Variants in SGK1 observed in about 807,000 individuals in gnomAD.
SGK1 encodes the protein serum/glucocorticoid regulated kinase 1.
In SGK1, 26 loss-of-function variants were observed where a neutral mutation model predicts 64.2. The ratio of observed to expected loss-of-function variants is 0.40; its 90% confidence interval spans 0.30 to 0.56. The LOEUF (loss-of-function observed/expected upper bound fraction) is 0.56, where lower values mean the gene tolerates loss of function less well. Among genes scored for constraint, SGK1 ranks in the 20% least tolerant of loss-of-function variants. The pLI is 0.38. For missense variants in SGK1, 519 were observed against 645.6 expected, an observed-to-expected ratio of 0.80 and a Z score of 2.12; for synonymous variants, 265 against 239.7, an observed-to-expected ratio of 1.11 and a Z score of -0.98.
chr6:134,242,560 T>C (rs1445493564), intron 2 of SGK1, among the ~76,000 whole-genome samples: 7 of 152,020 alleles, frequency 4.6e-5, no homozygotes, highest in Admixed American at 3.9e-4. Flanking sequence ...GTTTTGAACA[T>C]GGGAAATTTA....
intron 2 of SGK1, among the ~76,000 whole-genome samples, chr6:134,249,181 T>C (rs1290873554): frequency 1.3e-5 from 2 of 152,334 alleles, no homozygotes; most frequent in Admixed American, 1.3e-4. Flanking sequence ...ATAAACCTCC[T>C]GCAGAAAAAA....
chr6:134,171,373 TGG>T, intron 11 of SGK1, 195 bp from the exon 12 acceptor site: 1 of 627,958 alleles, frequency 1.6e-6, no homozygotes, highest in Non-Finnish European at 2.8e-6. Context: ...TGTGTGTGTG[TGG>T]AGGGTGAGGG....
At chr6:134,257,379 G>A (rs1776701304) in intron 2 of SGK1, among the ~76,000 whole-genome samples, 1 of 151,946 alleles carries the variant, frequency 6.6e-6, no homozygotes, top group Admixed American at 6.6e-5. Context: ...CCCCAGCCTG[G>A]GCAACAACAG....
intron 2 of SGK1, among the ~76,000 whole-genome samples, chr6:134,214,460 G>T (rs531194292): frequency 6.6e-6 from 1 of 151,986 alleles, no homozygotes; most frequent in East Asian, 1.9e-4. Context: ...GTGTGGTGGC[G>T]CATGCCTATA....
intron 2 of SGK1, among the ~76,000 whole-genome samples, chr6:134,217,643 A>G (rs1776008187): frequency 6.6e-6 from 1 of 152,212 alleles, no homozygotes; most frequent in African/African-American, 2.4e-5. Context: ...GCTCATAAAG[A>G]TGATGGTTTG....
chr6:134,283,497 A>C (rs900032989), intron 1 of SGK1, among the ~76,000 whole-genome samples: 12 of 151,898 alleles, frequency 7.9e-5, no homozygotes, highest in Admixed American at 2.0e-4. Flanking sequence ...CCTTAAAAAA[A>C]AAACAAACAT....
At chr6:134,218,444 T>C (rs1312075677) in intron 2 of SGK1, among the ~76,000 whole-genome samples, 3 of 149,090 alleles carry the variant, frequency 2.0e-5, no homozygotes, top group African/African-American at 7.4e-5. Context: ...TTTCTTTTTT[T>C]TTTTTTTTTG....
intron 1 of SGK1, among the ~76,000 whole-genome samples, chr6:134,311,352 A>G (rs1277097319): frequency 5.9e-5 from 9 of 152,154 alleles, no homozygotes; most frequent in Non-Finnish European, 1.0e-4. Context: ...CTGTCCTTAA[A>G]GACCTTCCAG....
chr6:134,220,104 A>G (rs1251150825), intron 2 of SGK1, among the ~76,000 whole-genome samples: 2 of 149,958 alleles, frequency 1.3e-5, no homozygotes, highest in African/African-American at 4.9e-5. Context: ...AAAAGAAAAG[A>G]AAAACACATA....
At chr6:134,297,432 A>G in intron 1 of SGK1, 1 of 696,944 alleles carries the variant, frequency 1.4e-6, no homozygotes, top group Non-Finnish European at 2.6e-6. Context: ...GGCAGTCTCC[A>G]GGGAAGCCCT....
intron 2 of SGK1, among the ~76,000 whole-genome samples, chr6:134,213,835 G>A (rs1465713732): frequency 4.6e-5 from 7 of 151,854 alleles, no homozygotes; most frequent in African/African-American, 1.7e-4. Flanking sequence ...GAGTATGATT[G>A]AGGAGGGGCA....
chr6:134,177,549 A>T, intron 3 of SGK1: 1 of 798,690 alleles, frequency 1.3e-6, no homozygotes, highest in Non-Finnish European at 2.1e-6. Flanking sequence ...ACATTAAATT[A>T]AGAAACCTAC....
rs1011264579 is a variant in SGK1, at chr6:134,243,110, T to G, written c.285+18823A>C. ...CTTCCAAATAAAAATACTTTAAAAT[T>G]TTGTCAATACTTTTACCTATTTAGC... On this transcript the variant is annotated intron_variant, in intron 2 of 13. Coordinates refer to ENST00000367858, the MANE Select transcript of SGK1 (RefSeq NM_001143676.3). 5.8e-3 allele frequency among the ~76,000 whole-genome samples: 864 copies of G among 150,158 alleles called. 3 individuals are homozygous for G. Among genetic ancestry groups the G allele is most frequent in the African/African-American group, 0.019 (770 of 40,716 alleles).
intron 1 of SGK1, among the ~76,000 whole-genome samples, chr6:134,308,099 T>G (rs1486653051): frequency 6.6e-6 from 1 of 152,158 alleles, no homozygotes; most frequent in African/African-American, 2.4e-5. Context: ...CCCCAATCTT[T>G]TAAACCACAC....
At chr6:134,259,248 A>G (rs1776727507) in intron 2 of SGK1, among the ~76,000 whole-genome samples, 1 of 152,208 alleles carries the variant, frequency 6.6e-6, no homozygotes, top group Non-Finnish European at 1.5e-5. Flanking sequence ...GTAGGCCCTC[A>G]AGTAAACATT....
chr6:134,202,318 G>C (rs1775699487), intron 3 of SGK1, among the ~76,000 whole-genome samples: 1 of 152,110 alleles, frequency 6.6e-6, no homozygotes. Context: ...GTAGATAAAA[G>C]AAAACTAAGA....
chr6:134,282,659 A>T (rs9321433), intron 1 of SGK1, among the ~76,000 whole-genome samples: 9,418 of 151,562 alleles, frequency 0.062, 562 homozygotes, highest in East Asian at 0.25. Context: ...TCTCAAAAAA[A>T]AAAATAAAAT....
chr6:134,204,414 GTA>G (rs1775734909), intron 3 of SGK1, among the ~76,000 whole-genome samples: 1 of 145,468 alleles, frequency 6.9e-6, no homozygotes, highest in South Asian at 2.1e-4. Flanking sequence ...TTAAAAATGA[GTA>G]TGTCTATTGC....
At chr6:134,222,047 A>G (rs1422928863) in intron 2 of SGK1, among the ~76,000 whole-genome samples, 2 of 152,182 alleles carry the variant, frequency 1.3e-5, no homozygotes, top group Non-Finnish European at 2.9e-5. Flanking sequence ...AAAGGAGATA[A>G]TTATTCTGCC....
Sources: gnomAD v4.1 joint callset for allele counts (sites outside exome capture counted in the v4.1 genomes callset) on GRCh38, gnomAD v4.1.1 for gene constraint, MANE v1.5 for transcripts, NCBI Gene and HGNC (gene_info 2026-07-23, HGNC 2026-07-21) for gene names.